Variants in CHMP3 observed in about 807,000 individuals in gnomAD.
CHMP3 encodes charged multivesicular body protein 3.
A neutral mutation model predicts 27.4 loss-of-function variants in CHMP3; 8 were observed. The observed-to-expected ratio is 0.29, with a 90% CI of 0.17 to 0.53. CHMP3 has a LOEUF of 0.53. Ranked by LOEUF, CHMP3 falls within the 20% of genes least tolerant of loss-of-function variation. The pLI, the probability that CHMP3 is intolerant of heterozygous loss-of-function variation, is 0.96. For missense variants in CHMP3, 208 were observed against 271.5 expected (o/e 0.77, Z 1.64); for synonymous variants, 86 against 85.5 (o/e 1.01, Z -0.03).
At chr2:86,522,278 C>T (rs1675548073) in intron 3 of CHMP3, among the ~76,000 whole-genome samples, 1 of 152,198 alleles carries the variant, frequency 6.6e-6, no homozygotes, top group Non-Finnish European at 1.5e-5. Flanking sequence ...AAAGACATCT[C>T]AGGAACTTTG....
At chr2:86,519,313 C>T (rs898070052) in intron 3 of CHMP3, among the ~76,000 whole-genome samples, 6 of 147,864 alleles carry the variant, frequency 4.1e-5, no homozygotes, top group Admixed American at 1.4e-4. Flanking sequence ...GGCAGTGAGC[C>T]GAGATTGTGC....
At position 86,505,011 on chromosome 2, in the gene CHMP3, CTT is replaced by C. The variant is rs2104734208; in HGVS notation, c.*791_*792del. On this transcript the variant is annotated 3_prime_UTR_variant, in exon 6 of 6. Transcript: ENST00000263856. ...TAGTGTGCTCCTGGTCAGCTCCTGA[CTT>C]TGAGAAAACACAGATAGGAAGGCCC... The C allele has an allele frequency of 6.6e-6, 1 of 152,344 alleles. No homozygotes were observed. The highest frequency in any genetic ancestry group is 2.4e-5 in the African/African-American group (1 of 41,522). 9.4% of individuals were successfully genotyped at this position (152,344 alleles called of 1,614,324 possible).
At position 86,533,270 on chromosome 2, in the gene CHMP3, C is replaced by CAT. The variant is rs1160799405; in HGVS notation, c.107-3874_107-3873insAT. The stretch of plus-strand genomic sequence containing the variant: ...TCTGTGGAATCAGTAGTAATGTCTC[C>CAT]ACTTTCAACTCTGATTTTAGTACTT... On this transcript the variant is annotated intron_variant, in intron 2 of 5. Coordinates refer to ENST00000263856, the MANE Select transcript of CHMP3 (RefSeq NM_016079.4). Among the ~76,000 whole-genome samples the CAT allele has an allele frequency of 2.0e-5, 3 of 152,106 alleles. No individual in the cohort carries two copies. The South Asian group carries it at 6.2e-4, about 31-fold the overall frequency.
chr2:86,557,616 C>T (rs1677175403), intron 1 of CHMP3, among the ~76,000 whole-genome samples: 1 of 152,168 alleles, frequency 6.6e-6, no homozygotes, highest in Non-Finnish European at 1.5e-5. Context: ...AATTTTTTCC[C>T]TAGTTCCTCT....
intron 3 of CHMP3, among the ~76,000 whole-genome samples, chr2:86,521,667 T>C (rs1675528268): frequency 6.6e-6 from 1 of 152,232 alleles, no homozygotes; most frequent in Non-Finnish European, 1.5e-5. Flanking sequence ...ATCATATAAG[T>C]GGAATCACGT....
intron 1 of CHMP3, among the ~76,000 whole-genome samples, chr2:86,546,350 G>A: frequency 7.1e-6 from 1 of 141,454 alleles, no homozygotes; most frequent in South Asian, 2.4e-4. Context: ...CGGCAACAGA[G>A]GGAGACCCGA....
chr2:86,512,708 CAA>C (rs1675149834), intron 3 of CHMP3, among the ~76,000 whole-genome samples: 1 of 152,020 alleles, frequency 6.6e-6, no homozygotes, highest in Non-Finnish European at 1.5e-5. Context: ...TAAAAATGGG[CAA>C]AAGACCTGAA....
At chr2:86,546,156 C>G (rs1676591836) in intron 1 of CHMP3, among the ~76,000 whole-genome samples, 1 of 152,178 alleles carries the variant, frequency 6.6e-6, no homozygotes, top group African/African-American at 2.4e-5. Flanking sequence ...AGGTCAGGAG[C>G]TGGAGACCAG....
chr2:86,562,924 C>G lies in CHMP3; in HGVS notation c.45+380G>C, dbSNP rs901773816. Reference sequence around the variant, plus strand: ...ACAACGCTTCGGGCAGGAGAAGGTTCTCCGGGTGGTCCGCAGCCGGGCTGG... The same window carrying G: ...ACAACGCTTCGGGCAGGAGAAGGTTGTCCGGGTGGTCCGCAGCCGGGCTGG... On this transcript the variant is annotated intron_variant, in intron 1 of 5. Transcript: ENST00000263856. 3.8e-5 allele frequency: 7 copies of G among 184,422 alleles called. No individual in the cohort carries two copies. The East Asian group carries it at 9.7e-4, about 25-fold the overall frequency. The allele number at this position is 184,422 out of a possible 1,614,324, so 11.4% of individuals were successfully genotyped here.
intron 1 of CHMP3, among the ~76,000 whole-genome samples, chr2:86,549,378 C>T (rs1290240711): frequency 1.4e-5 from 2 of 143,842 alleles, no homozygotes; most frequent in African/African-American, 2.6e-5. Flanking sequence ...GATGGGGTGG[C>T]GGCTGGGCAG....
intron 2 of CHMP3, among the ~76,000 whole-genome samples, chr2:86,536,862 C>T (rs1676164513): frequency 6.6e-6 from 1 of 152,050 alleles, no homozygotes; most frequent in African/African-American, 2.4e-5. Context: ...TGATGTCTGA[C>T]AGGTCTCTTA....
At chr2:86,525,844 A>G (rs1360978297) in intron 3 of CHMP3, among the ~76,000 whole-genome samples, 2 of 152,184 alleles carry the variant, frequency 1.3e-5, no homozygotes, top group Non-Finnish European at 1.5e-5. Context: ...AGATTTTTTT[A>G]TATCAATTTT....
At chr2:86,551,988 T>C (rs1326576848) in intron 1 of CHMP3, among the ~76,000 whole-genome samples, 1 of 152,202 alleles carries the variant, frequency 6.6e-6, no homozygotes, top group Non-Finnish European at 1.5e-5. Context: ...CACTGCATCT[T>C]GGAGAAATGG....
chr2:86,554,996 G>A (rs1206491889), intron 1 of CHMP3, among the ~76,000 whole-genome samples: 3 of 151,942 alleles, frequency 2.0e-5, no homozygotes, highest in East Asian at 3.9e-4. Context: ...ACAGGTGCCT[G>A]CCACCACAAC....
At chr2:86,524,433 A>G (rs913316995) in intron 3 of CHMP3, among the ~76,000 whole-genome samples, 2 of 152,202 alleles carry the variant, frequency 1.3e-5, no homozygotes, top group Non-Finnish European at 1.5e-5. Flanking sequence ...ATTCAACAAC[A>G]ACGAAAATGA....
intron 3 of CHMP3, among the ~76,000 whole-genome samples, chr2:86,514,473 T>C (rs764778970): frequency 5.3e-5 from 8 of 152,228 alleles, no homozygotes; most frequent in Non-Finnish European, 1.2e-4. Context: ...TCAAATAGAC[T>C]GTACAAACCC....
chr2:86,514,354 T>C (rs1462977962), intron 3 of CHMP3, among the ~76,000 whole-genome samples: 1 of 152,242 alleles, frequency 6.6e-6, no homozygotes, highest in Non-Finnish European at 1.5e-5. Flanking sequence ...CATTATATTT[T>C]ATGAAGTATA....
At chr2:86,543,350 T>A (rs1482600865) in intron 1 of CHMP3, among the ~76,000 whole-genome samples, 3 of 152,216 alleles carry the variant, frequency 2.0e-5, no homozygotes, top group Non-Finnish European at 4.4e-5. Context: ...AGAATCAAAA[T>A]GAAGTCACTA....
chr2:86,555,450 C>T (rs1283581102), intron 1 of CHMP3, among the ~76,000 whole-genome samples: 4 of 150,952 alleles, frequency 2.6e-5, no homozygotes, highest in Non-Finnish European at 5.9e-5. Flanking sequence ...TGCAGTGAGC[C>T]GAGATCGCAC....
Sources: gnomAD v4.1 joint callset for allele counts (sites outside exome capture counted in the v4.1 genomes callset) on GRCh38, gnomAD v4.1.1 for gene constraint, MANE v1.5 for transcripts, NCBI Gene and HGNC (gene_info 2026-07-23, HGNC 2026-07-21) for gene names.